The following ROBO1 variants were observed in gnomAD, a reference collection of about 807,000 sequenced individuals.
ROBO1 encodes the protein roundabout homolog 1.
Under a neutral mutation model 195.9 loss-of-function variants are expected in ROBO1, and 149 were observed. The ratio of observed to expected loss-of-function variants is 0.76; its 90% CI spans 0.67 to 0.87. ROBO1 has a LOEUF of 0.87. Among genes scored for constraint, ROBO1 ranks in the 40% least tolerant of loss-of-function variants. The pLI is 0.00. For missense variants in ROBO1, 1,933 were observed against 2,068.3 expected (o/e 0.93, Z 1.27); for synonymous variants, 816 against 733.2 (o/e 1.11, Z -1.82).
rs552964797 is a variant in ROBO1 at position 79,047,372 on chromosome 3, T to A, written c.172+78084A>T. 9.9e-5 allele frequency among the ~76,000 whole-genome samples: 15 copies of A among 150,954 alleles called. No homozygotes were observed. In the East Asian group the frequency reaches 2.0e-3, roughly 20 times the overall value. On this transcript the variant is annotated intron_variant, in intron 3 of 30. Coordinates refer to ENST00000464233, the MANE Select transcript of ROBO1 (RefSeq NM_002941.4). ...TGAGATATATTGAAGGAAGGACTGT[T>A]AAAAAAAAAGTGCCAAGACTTTTGA...
At chr3:79,164,097 T>C (rs961351361) in intron 2 of ROBO1, among the ~76,000 whole-genome samples, 1 of 152,104 alleles carries the variant, frequency 6.6e-6, no homozygotes, top group Non-Finnish European at 1.5e-5. Flanking sequence ...TTGTGCCAAA[T>C]TTGATATTTA....
chr3:78,686,203 ACT>A (rs913246399), intron 9 of ROBO1, among the ~76,000 whole-genome samples: 58 of 152,004 alleles, frequency 3.8e-4, no homozygotes, highest in African/African-American at 1.3e-3. Flanking sequence ...AATTTAAGTA[ACT>A]CTCAAGATTG....
At chr3:79,267,601 GA>G (rs2030098815) in intron 2 of ROBO1, among the ~76,000 whole-genome samples, 1 of 150,702 alleles carries the variant, frequency 6.6e-6, no homozygotes, top group Non-Finnish European at 1.5e-5. Flanking sequence ...GGAAAGCTTG[GA>G]AAGACCCATC....
intron 1 of ROBO1, among the ~76,000 whole-genome samples, chr3:79,621,453 C>T (rs1329634237): frequency 6.6e-6 from 1 of 152,112 alleles, no homozygotes; most frequent in African/African-American, 2.4e-5. Context: ...CTTATCAAGG[C>T]TCATAGCCAT....
At chr3:79,495,967 C>G (rs866019740) in intron 2 of ROBO1, among the ~76,000 whole-genome samples, 1 of 152,068 alleles carries the variant, frequency 6.6e-6, no homozygotes, top group Non-Finnish European at 1.5e-5. Context: ...AATACCAGCA[C>G]TTTGGGAGGC....
chr3:79,508,322 A>C (rs931863092), intron 2 of ROBO1, among the ~76,000 whole-genome samples: 1 of 152,160 alleles, frequency 6.6e-6, no homozygotes, highest in Non-Finnish European at 1.5e-5. Flanking sequence ...GTGAAAACCC[A>C]TGGAAGAAGA....
intron 2 of ROBO1, among the ~76,000 whole-genome samples, chr3:79,544,342 T>A (rs559255446): frequency 4.6e-5 from 7 of 152,108 alleles, no homozygotes; most frequent in African/African-American, 1.7e-4. Flanking sequence ...TTCTAATCAT[T>A]AATTTCCATG....
intron 3 of ROBO1, among the ~76,000 whole-genome samples, chr3:78,954,814 T>A (rs533481796): frequency 6.6e-6 from 1 of 152,190 alleles, no homozygotes; most frequent in South Asian, 2.1e-4. Context: ...GATTCCTCTA[T>A]TGAAGTGGCA....
chr3:79,540,442 A>G (rs1349595055), intron 2 of ROBO1, among the ~76,000 whole-genome samples: 5 of 152,064 alleles, frequency 3.3e-5, no homozygotes, highest in Non-Finnish European at 4.4e-5. Context: ...GGCATTTTCT[A>G]ACTCTCTGAC....
At chr3:79,569,499 T>C (rs61261576) in intron 2 of ROBO1, among the ~76,000 whole-genome samples, 13,824 of 152,132 alleles carry the variant, frequency 0.091, 650 homozygotes, top group Middle Eastern at 0.16. Flanking sequence ...TATACAAGTT[T>C]CAATGTTTTC....
chr3:78,710,041 A>G (rs1447460657), intron 8 of ROBO1, among the ~76,000 whole-genome samples: 1 of 152,132 alleles, frequency 6.6e-6, no homozygotes, highest in Non-Finnish European at 1.5e-5. Flanking sequence ...AATCCAACAC[A>G]TTTACTATAA....
intron 10 of ROBO1, among the ~76,000 whole-genome samples, chr3:78,682,602 A>C (rs1053013172): frequency 6.8e-6 from 1 of 147,166 alleles, no homozygotes; most frequent in Admixed American, 6.9e-5. Context: ...CAAAAAATTT[A>C]TATTTTTTGT....
At chr3:79,327,346 A>T (rs1390811838) in intron 2 of ROBO1, among the ~76,000 whole-genome samples, 3 of 152,068 alleles carry the variant, frequency 2.0e-5, no homozygotes, top group African/African-American at 7.2e-5. Flanking sequence ...TCAGTAAAAT[A>T]TGCACTGGCT....
chr3:79,167,623 A>G (rs1044463005), intron 2 of ROBO1, among the ~76,000 whole-genome samples: 1 of 152,218 alleles, frequency 6.6e-6, no homozygotes, highest in African/African-American at 2.4e-5. Context: ...ATTAAAAAGA[A>G]AAGCAAAAAT....
chr3:79,609,743 T>A lies in ROBO1; in HGVS notation c.-50-19782A>T, dbSNP rs182615785. On this transcript the variant is annotated intron_variant, in intron 1 of 30. Transcript: ENST00000464233. ...GAGACATTATGCTACGTGCCATAAGTTGGTCACAAAACGACAAATACTCTG... is the reference window on the plus strand; with the variant it reads ...GAGACATTATGCTACGTGCCATAAGATGGTCACAAAACGACAAATACTCTG... 1.5e-3 allele frequency among the ~76,000 whole-genome samples: 228 copies of A among 151,368 alleles called. 2 individuals carry two copies. Among genetic ancestry groups the A allele is most frequent in the African/African-American group, 5.4e-3 (225 of 41,320 alleles).
chr3:79,676,302 A>T (rs1413063912), intron 1 of ROBO1, among the ~76,000 whole-genome samples: 2 of 152,064 alleles, frequency 1.3e-5, no homozygotes, highest in Non-Finnish European at 2.9e-5. Context: ...ATATTGTATT[A>T]TCTGTCGCTA....
intron 5 of ROBO1, among the ~76,000 whole-genome samples, chr3:78,745,425 A>T (rs2082634062): frequency 6.6e-6 from 1 of 152,172 alleles, no homozygotes; most frequent in African/African-American, 2.4e-5. Context: ...TGAATAAGTA[A>T]GGAAGGGAAA....
In ROBO1 at chr3:78,618,040, G is replaced by T; in HGVS notation, c.3877C>A (p.Arg1293=). The change falls in exon 27 of 31, where the codon CGG becomes AGG. Residue 1293 remains arginine (R), a splice_region_variant and synonymous_variant. Transcript: ENST00000464233. ...GGTGGAGGAGGACTCACAGGCTGCC[G>T]TCTGTATGAAGATGAATAAATAGGT... The part of the protein sequence containing the change: ...GHMQHQPDRR[R]QPVSPPPPPR... 6.2e-7 allele frequency: 1 copy of T among 1,609,396 alleles called. No individual in the cohort carries two copies. The highest frequency in any genetic ancestry group is 8.5e-7 in the Non-Finnish European group (1 of 1,177,680).
At chr3:79,569,655 GTGTGTGTGTGTGTGTGTGTATATA>G (rs1304869337) in intron 2 of ROBO1, among the ~76,000 whole-genome samples, 1 of 140,240 alleles carries the variant, frequency 7.1e-6, no homozygotes, top group Non-Finnish European at 1.5e-5. Context: ...ATGTGTGTGT[GTGTGTGTGTGTGTGTGTGTATATA>G]TGTGTGTGTG....
Sources: allele counts gnomAD v4.1 joint callset (sites outside exome capture counted in the v4.1 genomes callset), GRCh38; gene constraint gnomAD v4.1.1; transcripts MANE v1.5; gene names NCBI Gene and HGNC (gene_info 2026-07-23, HGNC 2026-07-21).